Variants in PXDNL observed in about 807,000 individuals in gnomAD.
The protein encoded by PXDNL is probable oxidoreductase PXDNL.
PXDNL carries 145 observed loss-of-function variants against 150.8 expected under a neutral mutation model. The ratio of observed to expected loss-of-function variants is 0.96; its 90% confidence interval spans 0.84 to 1.10. The LOEUF (loss-of-function observed/expected upper bound fraction) is 1.10, where lower values mean the gene tolerates loss of function less well. Among genes scored for constraint, PXDNL ranks in the 50% least tolerant of loss-of-function variants. The pLI is 0.00. For synonymous variants in PXDNL, 757 were observed against 725.7 expected (o/e 1.04, Z -0.69); for missense variants, 2,087 against 1,873.9 (o/e 1.11, Z -2.10).
intron 3 of PXDNL, among the ~76,000 whole-genome samples, chr8:51,585,650 C>G (rs1813307184): frequency 6.6e-6 from 1 of 152,110 alleles, no homozygotes; most frequent in Admixed American, 6.6e-5. Flanking sequence ...TAAGAGCTAA[C>G]TACACGGAGA....
intron 12 of PXDNL, among the ~76,000 whole-genome samples, chr8:51,444,281 C>T (rs761454576): frequency 8.5e-5 from 13 of 152,054 alleles, no homozygotes; most frequent in Non-Finnish European, 1.6e-4. Context: ...AAATTTCAAC[C>T]CAGTGAAGAG....
At chr8:51,553,795 C>G (rs4295653) in intron 4 of PXDNL, among the ~76,000 whole-genome samples, 44,513 of 147,114 alleles carry the variant, frequency 0.3, 8,452 homozygotes, top group African/African-American at 0.52. Context: ...ATATAAATCT[C>G]GGCATGTTAC....
intron 2 of PXDNL, among the ~76,000 whole-genome samples, chr8:51,615,039 T>C (rs117120451): frequency 0.011 from 1,674 of 152,348 alleles, 15 homozygotes; most frequent in Non-Finnish European, 0.016. Flanking sequence ...ATTATGTTCA[T>C]AGAAAATCAA....
chr8:51,759,307 A>G (rs2037136489), intron 1 of PXDNL, among the ~76,000 whole-genome samples: 4 of 152,096 alleles, frequency 2.6e-5, no homozygotes, highest in Admixed American at 1.3e-4. Context: ...TGAAAGCGTC[A>G]ATTTAAATGC....
chr8:51,507,682 T>C (rs1294495057), intron 4 of PXDNL, among the ~76,000 whole-genome samples: 2 of 152,200 alleles, frequency 1.3e-5, no homozygotes, highest in Non-Finnish European at 2.9e-5. Flanking sequence ...GTTTTCAGCT[T>C]AGGATGATTT....
At chr8:51,578,434 T>C (rs1338973261) in intron 3 of PXDNL, among the ~76,000 whole-genome samples, 2 of 151,968 alleles carry the variant, frequency 1.3e-5, no homozygotes, top group East Asian at 1.9e-4. Flanking sequence ...CTTTAGATAA[T>C]GTTTATTTTA....
intron 12 of PXDNL, chr8:51,436,271 TAGA>T (rs1244266232): frequency 4.0e-6 from 2 of 500,362 alleles, no homozygotes; most frequent in African/African-American, 3.9e-5. Context: ...TTTTATATCA[TAGA>T]AGAAGGTGTT....
chr8:51,600,214 A>G (rs1284604460), intron 2 of PXDNL, among the ~76,000 whole-genome samples: 3 of 140,946 alleles, frequency 2.1e-5, no homozygotes, highest in East Asian at 2.1e-4. Flanking sequence ...AATAAATTAT[A>G]TCTCATATAA....
intron 5 of PXDNL, among the ~76,000 whole-genome samples, chr8:51,492,357 G>A (rs545865561): frequency 4.5e-4 from 68 of 152,262 alleles, no homozygotes; most frequent in African/African-American, 1.6e-3. Context: ...CAGCATGAGC[G>A]ACACAGAAGA....
chr8:51,602,360 G>A (rs1393630475), intron 2 of PXDNL, among the ~76,000 whole-genome samples: 1 of 151,680 alleles, frequency 6.6e-6, no homozygotes, highest in Non-Finnish European at 1.5e-5. Context: ...ATTTCTTAAA[G>A]ACTTCGCTTA....
chr8:51,658,397 A>T (rs558373628), intron 1 of PXDNL, among the ~76,000 whole-genome samples: 1 of 150,026 alleles, frequency 6.7e-6, no homozygotes, highest in East Asian at 2.0e-4. Flanking sequence ...AAAAAGTATG[A>T]TTGGACACCC....
At chr8:51,451,650 G>A (rs962034560) in intron 10 of PXDNL, among the ~76,000 whole-genome samples, 1 of 151,892 alleles carries the variant, frequency 6.6e-6, no homozygotes, top group Non-Finnish European at 1.5e-5. Context: ...AAGCTTTTTT[G>A]TGTCATTTTA....
chr8:51,664,965 T>C (rs1815350835), intron 1 of PXDNL, among the ~76,000 whole-genome samples: 1 of 152,086 alleles, frequency 6.6e-6, no homozygotes, highest in East Asian at 1.9e-4. Flanking sequence ...CCTACATCCA[T>C]GGTGAAGTCG....
chr8:51,568,275 T>A (rs902514918), intron 3 of PXDNL, among the ~76,000 whole-genome samples: 1 of 151,872 alleles, frequency 6.6e-6, no homozygotes, highest in African/African-American at 2.4e-5. Flanking sequence ...AAGGATTTTT[T>A]AAACATTCAT....
intron 1 of PXDNL, among the ~76,000 whole-genome samples, chr8:51,762,959 A>C (rs1175896263): frequency 6.6e-6 from 1 of 152,162 alleles, no homozygotes; most frequent in Non-Finnish European, 1.5e-5. Flanking sequence ...CTTTGCATAA[A>C]ATTTATCTAT....
chr8:51,472,254 TTCCTGATGGTACCTCCACA>T lies in PXDNL; in HGVS notation c.726_744del (p.Asp242GlufsTer44). 3 of 1,613,700 alleles carry T rather than the reference TTCCTGATGGTACCTCCACA, an allele frequency of 1.9e-6. No homozygotes were observed. In the African/African-American group the frequency reaches 4.0e-5, roughly 22 times the overall value. On this transcript the variant is annotated frameshift_variant, in exon 8 of 23. Transcript: ENST00000356297. LOFTEE classifies it high-confidence loss of function. ...GCCCGGCAGGTGAAGTAGACGGTAT[TTCCTGATGGTACCTCCACA>T]TCCTGCGGCTCAAAAGTAATTCGGG... is the stretch of plus-strand genomic sequence containing the variant.
At chr8:51,428,317 C>T (rs548511263) in intron 12 of PXDNL, among the ~76,000 whole-genome samples, 1,182 of 11,948 alleles carry the variant, frequency 0.099, 9 homozygotes, top group Non-Finnish European at 0.42. Flanking sequence ...TAATACAATT[C>T]TCATTAAATC....
chr8:51,571,503 T>C (rs1445205063), intron 3 of PXDNL, among the ~76,000 whole-genome samples: 1 of 151,852 alleles, frequency 6.6e-6, no homozygotes, highest in Non-Finnish European at 1.5e-5. Flanking sequence ...TGCCCAACTG[T>C]AAAAATAAGG....
intron 12 of PXDNL, among the ~76,000 whole-genome samples, chr8:51,432,464 A>C (rs1809273811): frequency 6.6e-6 from 1 of 152,232 alleles, no homozygotes; most frequent in African/African-American, 2.4e-5. Flanking sequence ...TTTGATTGGA[A>C]TTGCATTGAT....
Sources: allele counts gnomAD v4.1 joint callset (sites outside exome capture counted in the v4.1 genomes callset), GRCh38; gene constraint gnomAD v4.1.1; transcripts MANE v1.5; gene names NCBI Gene and HGNC (gene_info 2026-07-23, HGNC 2026-07-21).